The following FNBP1 variants were observed in gnomAD, a reference collection of about 807,000 sequenced individuals.
The protein encoded by FNBP1 is formin binding protein 1, also known as formin-binding protein 1.
In FNBP1, 26 loss-of-function variants were observed where a neutral mutation model predicts 90.6. That is an observed-to-expected ratio of 0.29 (90% confidence interval 0.21 to 0.40). The LOEUF (loss-of-function observed/expected upper bound fraction) is 0.40, where lower values mean the gene tolerates loss of function less well. FNBP1 is among the 10% of genes least tolerant of loss of function. The pLI, the probability that FNBP1 is intolerant of heterozygous loss-of-function variation, is 1.00. For missense variants in FNBP1, 635 were observed against 768.0 expected, an observed-to-expected ratio of 0.83 and a Z score of 2.05; for synonymous variants, 260 against 265.2, an observed-to-expected ratio of 0.98 and a Z score of 0.19.
At chr9:129,914,757 CTATATATATATATA>C (rs756342214) in intron 11 of FNBP1, among the ~76,000 whole-genome samples, 5 of 109,982 alleles carry the variant, frequency 4.5e-5, no homozygotes, top group African/African-American at 1.5e-4. Flanking sequence ...ATACATATGT[CTATATATATATATA>C]TATATATATA....
chr9:129,918,312 T>A (rs1228831328), intron 10 of FNBP1, among the ~76,000 whole-genome samples: 2 of 152,246 alleles, frequency 1.3e-5, no homozygotes, highest in East Asian at 1.9e-4. Flanking sequence ...GTTTTCAGTC[T>A]GAAGTTGTAA....
chr9:129,900,234 C>T lies in FNBP1; in HGVS notation c.1551-133G>A. On this transcript the variant is annotated intron_variant, in intron 14 of 16. Transcript: ENST00000446176. The surrounding 1 kb of genome is among the most constrained non-coding windows in gnomAD (Gnocchi z 4.1). ...TGCTGTAACTGAGGCCATGGTAAAT[C>T]ATCGCACGCTCAGATCACCCATCCC... is the stretch of plus-strand genomic sequence containing the variant. The T allele has an allele frequency of 8.6e-7, 1 of 1,167,780 alleles. No individual in the cohort carries two copies. 72.3% of individuals were successfully genotyped at this position (1,167,780 alleles called of 1,614,324 possible). A position where few individuals can be genotyped will look rare whatever the true frequency, so the allele number is the denominator to read the frequency against.
intron 16 of FNBP1, among the ~76,000 whole-genome samples, chr9:129,894,009 C>T (rs1022511699): frequency 5.3e-5 from 8 of 151,990 alleles, no homozygotes; most frequent in Admixed American, 1.3e-4. Flanking sequence ...CCCCTAGCAT[C>T]CAGAACCCCT....
chr9:129,943,137 C>G (rs939764982), intron 6 of FNBP1, among the ~76,000 whole-genome samples: 1 of 152,060 alleles, frequency 6.6e-6, no homozygotes, highest in African/African-American at 2.4e-5. Context: ...ACCTCAGTGG[C>G]GCTTTCTCTT....
At chr9:130,046,580 C>CAAAAAAAAAAAAAAAAA (rs56392821), upstream of FNBP1, among the ~76,000 whole-genome samples, 1 of 66,790 alleles carries the variant, frequency 1.5e-5, no homozygotes, top group African/African-American at 6.2e-5. Context: ...ACTAAAAATA[C>CAAAAAAAAAAAAAAAAA]AAAAAAAAAA....
intron 2 of FNBP1, among the ~76,000 whole-genome samples, chr9:129,994,623 T>C (rs1055894690): frequency 6.6e-6 from 1 of 152,052 alleles, no homozygotes; most frequent in Non-Finnish European, 1.5e-5. Context: ...AAATATCTTG[T>C]TGAAAAAAAA....
In FNBP1 at chr9:129,957,222, G is replaced by C; in HGVS notation, c.513+138C>G. 1 of 618,528 alleles carries C rather than the reference G, an allele frequency of 1.6e-6. No individual in the cohort carries two copies. Among genetic ancestry groups the C allele is most frequent in the Admixed American group, 2.9e-5 (1 of 34,440 alleles). The allele number at this position is 618,528 out of a possible 1,614,324, so 38.3% of individuals were successfully genotyped here. On this transcript the variant is annotated intron_variant, in intron 6 of 16. Transcript: ENST00000446176. This position sits in a 1 kb window ranked among gnomAD's most constrained non-coding sequence, Gnocchi z 4.3. The stretch of plus-strand genomic sequence containing the variant: ...TCAGCTAATTTTTGTGTTTTTCGTA[G>C]AGATGGGGTTTCACCATCTTGGCCA...
Position 129,900,161 on chromosome 9 carries a change from T to C in FNBP1, c.1551-60A>G, listed in dbSNP as rs932870226. The stretch of plus-strand genomic sequence containing the variant: ...CGACTGACCCCAGGGAGGACTCAGA[T>C]TGAGTCCCTGCGACTGGAGAGCACT... On this transcript the variant is annotated intron_variant, in intron 14 of 16. Transcript: ENST00000446176. This position sits in a 1 kb window ranked among gnomAD's most constrained non-coding sequence, Gnocchi z 4.1. The C allele has an allele frequency of 3.3e-6, 5 of 1,498,136 alleles. No individual in the cohort carries two copies. The highest frequency in any genetic ancestry group is 1.8e-6 in the Non-Finnish European group (2 of 1,119,356). The allele number at this position is 1,498,136 out of a possible 1,614,324, so 92.8% of individuals were successfully genotyped here. A position where few individuals can be genotyped will look rare whatever the true frequency, so the allele number is the denominator to read the frequency against.
chr9:129,932,288 G>A (rs1196449855), intron 6 of FNBP1, among the ~76,000 whole-genome samples: 1 of 151,844 alleles, frequency 6.6e-6, no homozygotes, highest in Admixed American at 6.6e-5. Context: ...GAAAGAAAAA[G>A]GAAGGAAGAA....
At chr9:129,896,068 A>C in intron 15 of FNBP1, 72 bp from the exon 16 acceptor site, 1 of 1,469,670 alleles carries the variant, frequency 6.8e-7, no homozygotes, top group East Asian at 2.3e-5. Flanking sequence ...TGGCCTTCGC[A>C]ATGAAACAAG....
intron 4 of FNBP1, among the ~76,000 whole-genome samples, chr9:129,961,083 TGG>T (rs2047739009): frequency 6.6e-6 from 1 of 151,892 alleles, no homozygotes; most frequent in South Asian, 2.1e-4. Context: ...GAGGCCAAGG[TGG>T]GCGAACCACC....
intron 1 of FNBP1, among the ~76,000 whole-genome samples, chr9:130,034,852 A>G (rs1233188261): frequency 6.6e-6 from 1 of 152,188 alleles, no homozygotes; most frequent in African/African-American, 2.4e-5. Flanking sequence ...CACTACTAAC[A>G]CAGAAGATCC....
intron 2 of FNBP1, among the ~76,000 whole-genome samples, chr9:129,990,346 G>A (rs1277565451): frequency 4.6e-5 from 7 of 152,178 alleles, no homozygotes; most frequent in South Asian, 2.1e-4. Context: ...GCTAAGGGAC[G>A]AGGTGGGCCT....
chr9:129,942,048 G>A (rs1366390534), intron 6 of FNBP1, among the ~76,000 whole-genome samples: 1 of 150,778 alleles, frequency 6.6e-6, no homozygotes, highest in Non-Finnish European at 1.5e-5. Flanking sequence ...TCCAGCCTGG[G>A]AGACAGTGAG....
At chr9:129,950,059 GT>G (rs1311769478) in intron 6 of FNBP1, among the ~76,000 whole-genome samples, 1 of 152,174 alleles carries the variant, frequency 6.6e-6, no homozygotes, top group African/African-American at 2.4e-5. Context: ...AAACATTTAT[GT>G]TAGATTCAGA....
At chr9:130,004,631 A>G (rs2055383981) in intron 1 of FNBP1, among the ~76,000 whole-genome samples, 2 of 152,254 alleles carry the variant, frequency 1.3e-5, no homozygotes, top group Admixed American at 6.5e-5. Flanking sequence ...AGCTTCCTCA[A>G]ACTGTGGAGG....
chr9:129,901,816 G>A (rs1360455437), intron 13 of FNBP1, among the ~76,000 whole-genome samples: 1 of 152,182 alleles, frequency 6.6e-6, no homozygotes, highest in Non-Finnish European at 1.5e-5. Flanking sequence ...GGAGGCTGAG[G>A]CAGGAGAATC....
At chr9:129,929,740 T>TAAA in intron 6 of FNBP1, 45 bp from the exon 7 acceptor site, 1 of 1,602,802 alleles carries the variant, frequency 6.2e-7, no homozygotes, top group Non-Finnish European at 8.5e-7. Context: ...ACACCATAGA[T>TAAA]AAAAGCCTGG....
chr9:129,995,659 A>G (rs1434005986), intron 1 of FNBP1, among the ~76,000 whole-genome samples: 1 of 152,188 alleles, frequency 6.6e-6, no homozygotes, highest in Non-Finnish European at 1.5e-5. Context: ...GTATAAGAGC[A>G]TGACTCTGTC....
Sources: allele counts gnomAD v4.1 joint callset (sites outside exome capture counted in the v4.1 genomes callset), GRCh38; gene constraint gnomAD v4.1.1; non-coding constraint Gnocchi (gnomAD v3.1); transcripts MANE v1.5; gene names NCBI Gene and HGNC (gene_info 2026-07-23, HGNC 2026-07-21).